NAPRT: variants seen among roughly 807,000 people sequenced by gnomAD.
NAPRT encodes nicotinate phosphoribosyltransferase, also known as FHA-HIT-interacting protein.
A neutral mutation model predicts 60.7 loss-of-function variants in NAPRT; 66 were observed. The observed-to-expected ratio is 1.09, with a 90% CI of 0.89 to 1.33. The LOEUF is 1.33. Ranked by LOEUF, NAPRT falls within the 40% of genes most tolerant of loss-of-function variation. The pLI, the probability that NAPRT is intolerant of heterozygous loss-of-function variation, is 0.00. For synonymous variants in NAPRT, 405 were observed against 335.7 expected (o/e 1.21, Z -2.26); for missense variants, 818 against 731.5 (o/e 1.12, Z -1.36).
chr8:143,577,543 A>T, intron 3 of NAPRT, 114 bp downstream of exon 3: 1 of 1,451,466 alleles, frequency 6.9e-7, no homozygotes, highest in Admixed American at 2.0e-5. Flanking sequence ...TGGGGGCGGG[A>T]GGCCAGTCCT....
Position 143,576,521 on chromosome 8 carries a change from G to C in NAPRT, c.933C>G (p.Gly311=). 2 of 1,612,402 alleles carry C rather than the reference G, an allele frequency of 1.2e-6. No individual in the cohort carries two copies. Among genetic ancestry groups the C allele is most frequent in the Non-Finnish European group, 1.7e-6 (2 of 1,179,754 alleles). ...CCAGCCTCACGCCCACTGCCCGGTA[G>C]CCCAGCTCTCCCAGGGCCAGGGCGA... ...LAVALALGEL[G]YRAVGVRLDS... The change falls in exon 7 of 13, where the codon GGC becomes GGG. Residue 311 remains glycine, a synonymous_variant. Transcript: ENST00000449291.
At chr8:143,575,391 G>C (rs371882017) in intron 10 of NAPRT, 32 bp downstream of exon 10, 33 of 1,596,796 alleles carry the variant, frequency 2.1e-5, no homozygotes, top group Non-Finnish European at 2.7e-5. Flanking sequence ...GTGCTTTGAA[G>C]GTGGACAGCA....
Position 143,575,404 on chromosome 8 carries a change from G to A in NAPRT, c.1291+19C>T, listed in dbSNP as rs754142661. On this transcript the variant is annotated intron_variant, in intron 10 of 12. Coordinates refer to ENST00000449291, the MANE Select transcript of NAPRT (RefSeq NM_145201.6). ...TGGTGCTTTGAAGGTGGACAGCAGG[G>A]GGGATGGGAGGGCCTCACCGTCAGA... The A allele has an allele frequency of 1.3e-6, 2 of 1,593,864 alleles. No individual in the cohort carries two copies. The highest frequency in any genetic ancestry group is 3.4e-5 in the Admixed American group (2 of 59,624).
chr8:143,577,293 C>A lies in NAPRT; in HGVS notation c.544G>T (p.Ala182Ser). 6.2e-7 allele frequency: 1 copy of A among 1,608,494 alleles called. No individual in the cohort carries two copies. Among genetic ancestry groups the A allele is most frequent in the Non-Finnish European group, 8.5e-7 (1 of 1,178,198 alleles). The change falls in exon 4 of 13, where the codon GCC (alanine) becomes TCC (serine). Residue 182 changes from alanine to serine, a missense_variant. Coordinates refer to ENST00000449291, the MANE Select transcript of NAPRT (RefSeq NM_145201.6). ...RAQGPDGGLT[A>S]STYSYLGGFD... Reference sequence around the variant, plus strand: ...CCGCCCAGGTAGCTGTAGGTGGAGGCTGTCAGGCCCCCATCGGGGCCCTGA... The same window carrying A: ...CCGCCCAGGTAGCTGTAGGTGGAGGATGTCAGGCCCCCATCGGGGCCCTGA...
Position 143,575,176 on chromosome 8 carries a change from C to A in NAPRT, c.1446+15G>T. On this transcript the variant is annotated intron_variant, in intron 11 of 12. Transcript: ENST00000449291. Reference sequence around the variant, plus strand: ...CCGGGGCTGGGGGTCAGGATGAGGGCGGTGGGGCAGCCACCTGTCCCTGCT... The same window carrying A: ...CCGGGGCTGGGGGTCAGGATGAGGGAGGTGGGGCAGCCACCTGTCCCTGCT... 2 of 1,599,210 alleles carry A rather than the reference C, an allele frequency of 1.3e-6. No homozygotes were observed. The highest frequency in any genetic ancestry group is 1.7e-5 in the Admixed American group (1 of 57,474).
Position 143,576,084 on chromosome 8 carries a change from G to A in NAPRT, c.1101C>T (p.Ala367=). 6.3e-7 allele frequency: 1 copy of A among 1,593,892 alleles called. No individual in the cohort carries two copies. Among genetic ancestry groups the A allele is most frequent in the Non-Finnish European group, 8.6e-7 (1 of 1,167,288 alleles). Residue 367 remains alanine (A), a synonymous_variant, in exon 8 of 13, where the codon GCC becomes GCT. Transcript: ENST00000449291. ...ACCCACTCATCCACCCCACCTCCTG[G>A]GCCAGTCGGGCCAGCGCCTCCTCGT... The part of the protein sequence containing the change: ...NIDEEALARL[A]QEGSEVNVIG...
rs1462483652 is a variant in NAPRT at position 143,575,531 on chromosome 8, G to C, written c.1189-6C>G. ...TGGCCCCCCACGGCCACCAGCTGCA[G>C]GAAGAGGGCGTTGAGCTGGCTGGTC... On this transcript the variant is annotated splice_polypyrimidine_tract_variant and splice_region_variant and intron_variant, in intron 9 of 12. Transcript: ENST00000449291. 6.3e-7 allele frequency: 1 copy of C among 1,598,874 alleles called. No homozygotes were observed. Among genetic ancestry groups the C allele is most frequent in the Admixed American group, 1.7e-5 (1 of 59,714 alleles).
chr8:143,574,993 T>G lies in NAPRT; in HGVS notation c.1547A>C (p.Gln516Pro). ...PEHRRLRSPA[Q>P]YQVVLSERLQ... Reference sequence around the variant, plus strand: ...GGTGGGCCTCCCCCCAACCTGGTACTGTGCAGGGCTCCGCAGCCGCCTGTG... The same window carrying G: ...GGTGGGCCTCCCCCCAACCTGGTACGGTGCAGGGCTCCGCAGCCGCCTGTG... The change falls in exon 12 of 13, where the codon CAG (glutamine) becomes CCG (proline). Residue 516 changes from glutamine (Q) to proline (P), a missense_variant. By Grantham distance (76) the Gln-to-Pro change is moderately conservative. Transcript: ENST00000449291. 3 of 1,533,896 alleles carry G rather than the reference T, an allele frequency of 2.0e-6. No homozygotes were observed. The highest frequency in any genetic ancestry group is 2.6e-6 in the Non-Finnish European group (3 of 1,137,098).
chr8:143,577,434 G>A, intron 3 of NAPRT, 35 bp from the exon 4 acceptor site: 1 of 1,587,524 alleles, frequency 6.3e-7, no homozygotes, highest in Middle Eastern at 2.1e-4. Flanking sequence ...GTCCCAGGGT[G>A]AGGATCACTA....
In NAPRT at chr8:143,577,136, C is replaced by T; in HGVS notation, c.610G>A (p.Gly204Ser). 1 of 1,612,934 alleles carries T rather than the reference C, an allele frequency of 6.2e-7. No individual in the cohort carries two copies. The highest frequency in any genetic ancestry group is 8.5e-7 in the Non-Finnish European group (1 of 1,179,918). Residue 204 changes from glycine to serine, a missense_variant, in exon 5 of 13, where the codon GGT becomes AGT. Coordinates refer to ENST00000449291, the MANE Select transcript of NAPRT (RefSeq NM_145201.6). Reference protein sequence around the residue: ...SSNVLAGQLRGVPVAGTLAHS... With the variant: ...SSNVLAGQLRSVPVAGTLAHS... ...GCCAGGGTCCCGGCCACCGGCACAC[C>T]TCGCAGCTGGCCCGCTAGCACGTTG... is the stretch of plus-strand genomic sequence containing the variant.
In NAPRT at chr8:143,576,939, G is replaced by T. The variant is rs1286365046; in HGVS notation, c.685-97C>A. 2.0e-6 allele frequency: 3 copies of T among 1,488,038 alleles called. No individual in the cohort carries two copies. In the Middle Eastern group the frequency reaches 5.9e-4, roughly 295 times the overall value. The allele number at this position is 1,488,038 out of a possible 1,614,324, so 92.2% of individuals were successfully genotyped here. On this transcript the variant is annotated intron_variant, in intron 5 of 12. Transcript: ENST00000449291. ...CTAGTTTGAGAGCAAAGGTAATGCAGCCCGTGCCAGCTTCCTGGGACAGCA... is the reference window on the plus strand; with the variant it reads ...CTAGTTTGAGAGCAAAGGTAATGCATCCCGTGCCAGCTTCCTGGGACAGCA...
intron 5 of NAPRT, 58 bp downstream of exon 5, chr8:143,577,004 C>A: frequency 6.4e-7 from 1 of 1,574,714 alleles, no homozygotes; most frequent in Non-Finnish European, 8.7e-7. Context: ...CTCGCCAGGG[C>A]AAGGGCTGGC....
In NAPRT at chr8:143,576,549, G is replaced by C; in HGVS notation, c.905C>G (p.Ala302Gly). 2 of 1,611,698 alleles carry C rather than the reference G, an allele frequency of 1.2e-6. No individual in the cohort carries two copies. The highest frequency in any genetic ancestry group is 2.2e-5 in the South Asian group (2 of 90,936). The change falls in exon 7 of 13, where the codon GCA becomes GGA. Residue 302 changes from alanine to glycine, a missense_variant. Physicochemically the swap from Ala to Gly is moderately conservative, Grantham distance 60 (BLOSUM62 0). Transcript: ENST00000449291. The stretch of plus-strand genomic sequence containing the variant: ...CAGCTCTCCCAGGGCCAGGGCGACT[G>C]CTAGGAAGTTGGGGAGACCACTCCT... Reference protein sequence around the residue: ...VWRSGLPNFLAVALALGELGY... With the variant: ...VWRSGLPNFLGVALALGELGY...
Position 143,575,579 on chromosome 8 carries a change from C to T in NAPRT, c.1188+43G>A, listed in dbSNP as rs760529384. The stretch of plus-strand genomic sequence containing the variant: ...GTCCTTATCCCCCACCCAGCACCAT[C>T]CCTCAGACCTGCCCCCACCTGGGCC... On this transcript the variant is annotated intron_variant, in intron 9 of 12. Transcript: ENST00000449291. 5 of 1,589,492 alleles carry T rather than the reference C, an allele frequency of 3.1e-6. No individual in the cohort carries two copies. The East Asian group carries it at 9.0e-5, about 29-fold the overall frequency.
At position 143,575,466 on chromosome 8, in the gene NAPRT, C is replaced by T. The variant is rs143442304; in HGVS notation, c.1248G>A (p.Thr416=). 5.0e-6 allele frequency: 8 copies of T among 1,596,320 alleles called. No individual in the cohort carries two copies. The highest frequency in any genetic ancestry group is 1.1e-5 in the South Asian group (1 of 90,786). The stretch of plus-strand genomic sequence containing the variant: ...GGAAAGCAGCCTTGCTCCCAGGCAA[C>T]GTCTGCTTCTCGGGGTCCTCGGTCA... ...MKLTEDPEKQ[T]LPGSKAAFRL... Residue 416 remains threonine, a synonymous_variant, in exon 10 of 13, where the codon ACG becomes ACA. Coordinates refer to ENST00000449291, the MANE Select transcript of NAPRT (RefSeq NM_145201.6).
chr8:143,576,012 G>T, intron 8 of NAPRT, 66 bp downstream of exon 8: 2 of 1,361,230 alleles, frequency 1.5e-6, no homozygotes, highest in Non-Finnish European at 2.0e-6. Context: ...AATGAGCCCA[G>T]CCAGAACCTG....
chr8:143,574,754 G>A (rs762073189), downstream of NAPRT: 1 of 1,519,080 alleles, frequency 6.6e-7, no homozygotes, highest in South Asian at 1.2e-5. Flanking sequence ...TGGGCTGGGT[G>A]AACAAACGAC....
chr8:143,575,101 G>T lies in NAPRT; in HGVS notation c.1447-8C>A. On this transcript the variant is annotated splice_polypyrimidine_tract_variant and splice_region_variant and intron_variant, in intron 11 of 12. Transcript: ENST00000449291. Reference sequence around the variant, plus strand: ...TGGGAGCGGCTCACACAGCTGCAGGGAGGAGGTAAGGAAAGAGAAGCTTGG... The same window carrying T: ...TGGGAGCGGCTCACACAGCTGCAGGTAGGAGGTAAGGAAAGAGAAGCTTGG... 1 of 1,532,550 alleles carries T rather than the reference G, an allele frequency of 6.5e-7. No homozygotes were observed. Among genetic ancestry groups the T allele is most frequent in the Non-Finnish European group, 8.8e-7 (1 of 1,135,512 alleles). 94.9% of individuals were successfully genotyped at this position (1,532,550 alleles called of 1,614,324 possible). A position where few individuals can be genotyped will look rare whatever the true frequency, so the allele number is the denominator to read the frequency against.
downstream of NAPRT, chr8:143,573,596 C>T (rs1395075637): frequency 6.6e-6 from 1 of 152,290 alleles, no homozygotes; most frequent in East Asian, 1.9e-4. Context: ...CCCAGCCATG[C>T]TTCCTGTACC....
Sources: gnomAD v4.1 joint callset for allele counts on GRCh38, gnomAD v4.1.1 for gene constraint, MANE v1.5 for transcripts, NCBI Gene and HGNC (gene_info 2026-07-23, HGNC 2026-07-21) for gene names.